The following FAM135B variants were observed in gnomAD, a reference collection of about 807,000 sequenced individuals.
FAM135B encodes the protein protein FAM135B.
A neutral mutation model predicts 127.7 loss-of-function variants in FAM135B; 43 were observed. The ratio of observed to expected loss-of-function variants is 0.34; its 90% CI spans 0.26 to 0.43. The LOEUF is 0.43. Ranked by LOEUF, FAM135B falls within the 20% of genes least tolerant of loss-of-function variation. The pLI, the probability that FAM135B is intolerant of heterozygous loss-of-function variation, is 1.00. For synonymous variants in FAM135B, 670 were observed against 665.1 expected (o/e 1.01, Z -0.11); for missense variants, 1,558 against 1,725.6 (o/e 0.90, Z 1.72).
At chr8:138,400,541 G>A (rs1833099306) in intron 1 of FAM135B, among the ~76,000 whole-genome samples, 1 of 152,180 alleles carries the variant, frequency 6.6e-6, no homozygotes. Context: ...GAGGACTGAA[G>A]AGATGAGTCA....
Position 138,132,697 on chromosome 8 carries a change from T to C in FAM135B, c.4117A>G (p.Thr1373Ala). ...RHNVFHALPN[T>A]ANTLIGRAAH... is the part of the protein sequence containing the mutation. ...GCTCGGCCGATCAGGGTGTTGGCAG[T>C]GTTGGGCAGGGCGTGGAACACGTTG... Residue 1373 changes from threonine to alanine, a missense_variant, in exon 20 of 20, where the codon ACT (threonine) becomes GCT (alanine). This residue lies in a region of FAM135B where 194 missense variants were observed against 333.8 expected (regional missense o/e 0.58). Transcript: ENST00000395297. The surrounding 1 kb of genome is among the most constrained non-coding windows in gnomAD (Gnocchi z 4.5). 1 of 1,614,094 alleles carries C rather than the reference T, an allele frequency of 6.2e-7. No homozygotes were observed. Among genetic ancestry groups the C allele is most frequent in the Admixed American group, 1.7e-5 (1 of 60,012 alleles).
At chr8:138,291,359 A>G (rs1289934084) in intron 3 of FAM135B, among the ~76,000 whole-genome samples, 1 of 152,172 alleles carries the variant, frequency 6.6e-6, no homozygotes, top group African/African-American at 2.4e-5. Context: ...CCATCACACA[A>G]GCATTTATAC....
intron 3 of FAM135B, among the ~76,000 whole-genome samples, chr8:138,301,829 C>T (rs906417783): frequency 3.3e-5 from 5 of 152,192 alleles, no homozygotes; most frequent in African/African-American, 1.2e-4. Flanking sequence ...TTGTGCATGG[C>T]CTCATACCAT....
At chr8:138,264,066 C>G (rs1208537535) in intron 4 of FAM135B, among the ~76,000 whole-genome samples, 1 of 152,216 alleles carries the variant, frequency 6.6e-6, no homozygotes, top group Non-Finnish European at 1.5e-5. Flanking sequence ...GCTCCTTTCC[C>G]CTCCCTCTCT....
intron 2 of FAM135B, chr8:138,358,476 G>A (rs1350874635): frequency 6.6e-6 from 1 of 152,020 alleles, no homozygotes; most frequent in Non-Finnish European, 1.5e-5. Flanking sequence ...AGAGGGCTTG[G>A]GTCCTCTTGG....
At chr8:138,327,726 T>C (rs554499341) in intron 2 of FAM135B, among the ~76,000 whole-genome samples, 1 of 152,278 alleles carries the variant, frequency 6.6e-6, no homozygotes, top group South Asian at 2.1e-4. Context: ...GCTTACAGTC[T>C]AACAGAGAAC....
At chr8:138,413,503 C>T (rs1243974269) in intron 1 of FAM135B, among the ~76,000 whole-genome samples, 3 of 152,212 alleles carry the variant, frequency 2.0e-5, no homozygotes, top group African/African-American at 7.2e-5. Flanking sequence ...GAACATCTGA[C>T]TGCCTTATTC....
At chr8:138,457,962 G>C (rs904569337) in intron 1 of FAM135B, among the ~76,000 whole-genome samples, 1 of 143,752 alleles carries the variant, frequency 7.0e-6, no homozygotes, top group South Asian at 2.2e-4. Flanking sequence ...GGGCAAGAGC[G>C]AGACTCCATC....
rs187095930 is a variant in FAM135B, at chr8:138,137,670, G to A, written c.3902-410C>T. Among the ~76,000 whole-genome samples the A allele has an allele frequency of 3.1e-3, 475 of 152,202 alleles. 1 individual carries two copies. The highest frequency in any genetic ancestry group is 5.0e-3 in the Non-Finnish European group (338 of 68,004). Reference sequence around the variant, plus strand: ...AAGGAAAAGTCAGTCTGACTATCTTGTTCTTCCTCCTCAACTCCAGCACCT... The same window carrying A: ...AAGGAAAAGTCAGTCTGACTATCTTATTCTTCCTCCTCAACTCCAGCACCT... On this transcript the variant is annotated intron_variant, in intron 18 of 19. Coordinates refer to ENST00000395297, the MANE Select transcript of FAM135B (RefSeq NM_015912.4).
chr8:138,157,160 G>A (rs572576578), intron 12 of FAM135B, among the ~76,000 whole-genome samples: 78 of 152,206 alleles, frequency 5.1e-4, no homozygotes, highest in Middle Eastern at 6.8e-3. Context: ...ATCAATAAAC[G>A]TAATTCATCA....
intron 2 of FAM135B, among the ~76,000 whole-genome samples, chr8:138,339,668 G>C (rs1035749908): frequency 1.3e-5 from 2 of 152,294 alleles, no homozygotes; most frequent in African/African-American, 4.8e-5. Flanking sequence ...ATTAGAATTA[G>C]AGCATTCCAT....
chr8:138,247,149 G>A (rs938456788), intron 6 of FAM135B, among the ~76,000 whole-genome samples: 11 of 152,132 alleles, frequency 7.2e-5, no homozygotes, highest in East Asian at 1.9e-4. Flanking sequence ...ATGAGACTTC[G>A]GACTTGGACT....
intron 1 of FAM135B, among the ~76,000 whole-genome samples, chr8:138,384,040 C>A (rs1832033630): frequency 6.6e-6 from 1 of 152,200 alleles, no homozygotes; most frequent in South Asian, 2.1e-4. Flanking sequence ...TCTATACAGC[C>A]AATGTGCCCT....
intron 7 of FAM135B, among the ~76,000 whole-genome samples, chr8:138,210,082 G>A (rs967577485): frequency 6.6e-6 from 1 of 152,212 alleles, no homozygotes; most frequent in Admixed American, 6.5e-5. Context: ...ATCTCTGAGA[G>A]GCTAGTCCAA....
intron 1 of FAM135B, among the ~76,000 whole-genome samples, chr8:138,432,860 T>C (rs1835272036): frequency 6.6e-6 from 1 of 152,072 alleles, no homozygotes. Context: ...TTGATTCAAT[T>C]TGTTGGGGGG....
chr8:138,491,723 T>C (rs1587564119), intron 1 of FAM135B, among the ~76,000 whole-genome samples: 1 of 152,274 alleles, frequency 6.6e-6, no homozygotes, highest in Middle Eastern at 3.4e-3. Flanking sequence ...ATAAGTACTA[T>C]AAAGAAAGAA....
At chr8:138,442,158 T>C (rs1336130577) in intron 1 of FAM135B, among the ~76,000 whole-genome samples, 1 of 145,780 alleles carries the variant, frequency 6.9e-6, no homozygotes, top group Non-Finnish European at 1.5e-5. Context: ...GTATATGAAA[T>C]AGAACTAGAA....
Position 138,363,901 on chromosome 8 carries a change from C to A in FAM135B, c.77+4006G>T, listed in dbSNP as rs73717208. 2.8e-3 allele frequency among the ~76,000 whole-genome samples: 429 copies of A among 152,280 alleles called. 1 individual carries two copies. The highest frequency in any genetic ancestry group is 9.9e-3 in the African/African-American group (413 of 41,566). On this transcript the variant is annotated intron_variant, in intron 2 of 19. Transcript: ENST00000395297. ...GAGGTGGAACTTGGAAGACCACAGT[C>A]AGGCTCAGTCTGAGAAAGGGTACTC...
chr8:138,207,952 A>C (rs1169906129), intron 7 of FAM135B, among the ~76,000 whole-genome samples: 1 of 152,204 alleles, frequency 6.6e-6, no homozygotes, highest in East Asian at 1.9e-4. Context: ...CTTTTTGCCC[A>C]AAGACATAAA....
Sources: allele counts gnomAD v4.1 joint callset (sites outside exome capture counted in the v4.1 genomes callset), GRCh38; gene constraint gnomAD v4.1.1; regional missense constraint gnomAD v4.1.1; non-coding constraint Gnocchi (gnomAD v3.1); transcripts MANE v1.5; gene names NCBI Gene and HGNC (gene_info 2026-07-23, HGNC 2026-07-21).